The following KLF16 variants were observed in gnomAD, a reference collection of about 807,000 sequenced individuals.
The protein encoded by KLF16 is Krueppel-like factor 16.
A neutral mutation model predicts 6.1 loss-of-function variants in KLF16; 6 were observed. The observed-to-expected ratio is 0.98, with a 90% CI of 0.54 to 1.93. KLF16 has a LOEUF of 1.93. KLF16 is among the 30% of genes most tolerant of loss of function. The pLI, the probability that KLF16 is intolerant of heterozygous loss-of-function variation, is 0.01. For missense variants in KLF16, 355 were observed against 363.8 expected (o/e 0.98, Z 0.20); for synonymous variants, 211 against 176.5 (o/e 1.20, Z -1.55).
rs946961126 is a variant in KLF16 at position 1,856,950 on chromosome 19, C to CGGGGGGGGGGGGGGGGGGGGGGGGGG, written c.458-2191_458-2190insCCCCCCCCCCCCCCCCCCCCCCCCCC. ...CACTTTGCAAGGAGGAGCAGGTTGC[C>CGGGGGGGGGGGGGGGGGGGGGGGGGG]GGGGTGGGGGGGGCGACCGGGGCAG... On this transcript the variant is annotated intron_variant, in intron 1 of 1. Coordinates refer to ENST00000250916, the MANE Select transcript of KLF16 (RefSeq NM_031918.4). 9.3e-5 allele frequency among the ~76,000 whole-genome samples: 4 copies of CGGGGGGGGGGGGGGGGGGGGGGGGGG among 43,242 alleles called. 1 individual carries two copies. Among genetic ancestry groups the CGGGGGGGGGGGGGGGGGGGGGGGGGG allele is most frequent in the Admixed American group, 7.9e-4 (3 of 3,814 alleles). 28.4% of individuals were successfully genotyped at this position (43,242 alleles called of 152,430 possible). A position where few individuals can be genotyped will look rare whatever the true frequency, so the allele number is the denominator to read the frequency against.
chr19:1,873,275 G>T, the KLF16 span, among the ~76,000 whole-genome samples: 2 of 152,334 alleles, frequency 1.3e-5, no homozygotes, highest in East Asian at 3.9e-4. Context: ...ATGCCAGTCG[G>T]GGCTGACAGG....
the KLF16 span, among the ~76,000 whole-genome samples, chr19:1,874,707 G>A: frequency 8.1e-6 from 1 of 123,834 alleles, no homozygotes; most frequent in African/African-American, 3.0e-5. Context: ...TTCCGGGTCA[G>A]CCGAGAAATG....
upstream of KLF16, among the ~76,000 whole-genome samples, chr19:1,866,440 G>A (rs554478583): frequency 6.0e-4 from 91 of 151,358 alleles, no homozygotes; most frequent in African/African-American, 1.9e-3. Flanking sequence ...AAGAAACCCC[G>A]TCTCTACTAA....
chr19:1,863,629 A>C (rs112570276), upstream of KLF16: 223,126 of 223,286 alleles, frequency 1, 111,483 homozygotes, highest in Middle Eastern at 1. Flanking sequence ...GCCGCCGCCG[A>C]CGCCCGCGCT....
rs750089313 is a variant in KLF16 at position 1,852,414 on chromosome 19, G to A, written c.*2045C>T. The A allele has an allele frequency of 6.6e-6, 1 of 152,104 alleles. No homozygotes were observed. The highest frequency in any genetic ancestry group is 1.5e-5 in the Non-Finnish European group (1 of 68,022). The allele number at this position is 152,104 out of a possible 1,614,324, so 9.4% of individuals were successfully genotyped here. A position where few individuals can be genotyped will look rare whatever the true frequency, so the allele number is the denominator to read the frequency against. ...CACGCTGGAGTAGGGTTTAAAAAGG[G>A]GCTTGTTTAATTAATTAAATACAAG... On this transcript the variant is annotated 3_prime_UTR_variant, in exon 2 of 2. Transcript: ENST00000250916.
chr19:1,856,950 C>CGGGGGGGGGGGGGGGGGGGGGGG (rs946961126), intron 1 of KLF16, among the ~76,000 whole-genome samples: 1 of 43,268 alleles, frequency 2.3e-5, no homozygotes, highest in Admixed American at 2.6e-4. Context: ...AGCAGGTTGC[C>CGGGGGGGGGGGGGGGGGGGGGGG]GGGGTGGGGG....
At chr19:1,863,671 A>T (rs1262116120), upstream of KLF16, 1 of 152,074 alleles carries the variant, frequency 6.6e-6, no homozygotes, top group Admixed American at 7.0e-5. Flanking sequence ...ACGCGTCCTG[A>T]CGCACCGGAG....
intron 1 of KLF16, among the ~76,000 whole-genome samples, chr19:1,856,086 G>T (rs62127707): frequency 1.3e-4 from 20 of 152,234 alleles, no homozygotes; most frequent in Admixed American, 6.5e-4. Flanking sequence ...ACTGGAGGTT[G>T]CTCTGGCCCT....
chr19:1,854,519 G>T lies in KLF16; in HGVS notation c.699C>A (p.Cys233Ter), dbSNP rs1174477193. 2 of 1,506,390 alleles carry T rather than the reference G, an allele frequency of 1.3e-6. No homozygotes were observed. Among genetic ancestry groups the T allele is most frequent in the Non-Finnish European group, 1.8e-6 (2 of 1,136,424 alleles). The allele number at this position is 1,506,390 out of a possible 1,614,324, so 93.3% of individuals were successfully genotyped here. A position where few individuals can be genotyped will look rare whatever the true frequency, so the allele number is the denominator to read the frequency against. Residue 233 changes from cysteine to a stop codon, truncating the protein, a stop_gained, in exon 2 of 2, where the codon TGC (cysteine) becomes TGA (stop). Transcript: ENST00000250916. LOFTEE classifies it low-confidence loss of function (END_TRUNC). ...TGGGCGCAGGGCTCCCGGCCAGGCT[G>T]CAGGGCAGCGAGTCGCTGGGGGAGG... ...RSTSPSDSLP[C>*]SLAGSPAPSP...
At chr19:1,860,120 C>CT (rs1555830956) in intron 1 of KLF16, 1 of 70,498 alleles carries the variant, frequency 1.4e-5, no homozygotes, top group Non-Finnish European at 3.4e-5. Flanking sequence ...ATGCCGGGGG[C>CT]GGGGGGGGGG....
chr19:1,861,667 A>G (rs2012068054), intron 1 of KLF16: 1 of 152,260 alleles, frequency 6.6e-6, no homozygotes, highest in African/African-American at 2.4e-5. Flanking sequence ...TGGGACCAGG[A>G]CAGGGACTGA....
chr19:1,870,210 G>A, the KLF16 span, among the ~76,000 whole-genome samples: 9 of 152,022 alleles, frequency 5.9e-5, no homozygotes, highest in Non-Finnish European at 8.8e-5. Context: ...GATTACAGGC[G>A]TGAGCCACCA....
At chr19:1,854,923 C>A (rs1303178921) in intron 1 of KLF16, among the ~76,000 whole-genome samples, 163 bp from the exon 2 acceptor site, 1 of 151,698 alleles carries the variant, frequency 6.6e-6, no homozygotes, top group Non-Finnish European at 1.5e-5. Flanking sequence ...AGAATACAAC[C>A]CTTACCCGCC....
intron 1 of KLF16, among the ~76,000 whole-genome samples, chr19:1,859,316 G>T (rs2012015990): frequency 6.6e-6 from 1 of 152,026 alleles, no homozygotes; most frequent in Admixed American, 6.6e-5. Flanking sequence ...AACCTGGCAG[G>T]CACTCAGACA....
the KLF16 span, among the ~76,000 whole-genome samples, chr19:1,873,957 G>A: frequency 6.6e-6 from 1 of 152,234 alleles, no homozygotes; most frequent in Non-Finnish European, 1.5e-5. Context: ...TTGAGAATGG[G>A]GCTGCCTGAA....
the KLF16 span, chr19:1,875,437 C>CT: frequency 6.6e-6 from 1 of 152,238 alleles, no homozygotes. Flanking sequence ...CCTGCATAGA[C>CT]TTTCTTTGCA....
upstream of KLF16, among the ~76,000 whole-genome samples, chr19:1,866,013 T>C (rs1169345403): frequency 6.6e-6 from 1 of 152,162 alleles, no homozygotes; most frequent in African/African-American, 2.4e-5. Context: ...CATTAAAAAA[T>C]GAGCTGCAGG....
upstream of KLF16, chr19:1,863,686 C>G (rs1432062752): frequency 1.3e-5 from 2 of 148,406 alleles, no homozygotes; most frequent in Admixed American, 6.9e-5. Flanking sequence ...CCGGAGCCCG[C>G]GGGGGCGGCC....
upstream of KLF16, among the ~76,000 whole-genome samples, chr19:1,864,566 G>T (rs763735689): frequency 2.6e-5 from 4 of 152,186 alleles, no homozygotes; most frequent in African/African-American, 4.8e-5. Flanking sequence ...GGGAAGAGGG[G>T]GCCGAACGCA....
Sources: gnomAD v4.1 joint callset for allele counts (sites outside exome capture counted in the v4.1 genomes callset) on GRCh38, gnomAD v4.1.1 for gene constraint, MANE v1.5 for transcripts, NCBI Gene and HGNC (gene_info 2026-07-23, HGNC 2026-07-21) for gene names.